Variants in DOCK4 observed in about 807,000 individuals in gnomAD.
DOCK4 encodes dedicator of cytokinesis 4.
In DOCK4, 97 loss-of-function variants were observed where a neutral mutation model predicts 268.1. The ratio of observed to expected loss-of-function variants is 0.36; its 90% CI spans 0.31 to 0.43. The LOEUF is 0.43. Ranked by LOEUF, DOCK4 falls within the 20% of genes least tolerant of loss-of-function variation. DOCK4 has a pLI of 1.00. For synonymous variants in DOCK4, 954 were observed against 887.2 expected (o/e 1.08, Z -1.34); for missense variants, 2,145 against 2,455.7 (o/e 0.87, Z 2.67).
intron 13 of DOCK4, among the ~76,000 whole-genome samples, chr7:111,905,727 T>TAC (rs1211559934): frequency 3.3e-5 from 5 of 151,288 alleles, no homozygotes; most frequent in South Asian, 4.2e-4. Flanking sequence ...GTATTGCGTA[T>TAC]ACACACACAC....
chr7:111,865,375 A>G (rs145615205), intron 22 of DOCK4, among the ~76,000 whole-genome samples: 1 of 152,326 alleles, frequency 6.6e-6, no homozygotes, highest in East Asian at 1.9e-4. Context: ...CTTCCCATCA[A>G]TCCAACCCAA....
chr7:112,101,546 G>A (rs1472844473), intron 1 of DOCK4, among the ~76,000 whole-genome samples: 2 of 152,170 alleles, frequency 1.3e-5, no homozygotes, highest in Admixed American at 6.5e-5. Context: ...AATTCCCTCA[G>A]CTGGATTTGA....
At chr7:111,741,296 G>A in intron 46 of DOCK4, 82 bp from the exon 47 acceptor site, 1 of 1,549,760 alleles carries the variant, frequency 6.5e-7, no homozygotes, top group Non-Finnish European at 8.8e-7. Flanking sequence ...TGAAACCAAA[G>A]GGGGGAAAAT....
chr7:112,016,146 T>C (rs1354750028), intron 1 of DOCK4, among the ~76,000 whole-genome samples: 2 of 152,254 alleles, frequency 1.3e-5, no homozygotes, highest in Non-Finnish European at 2.9e-5. Flanking sequence ...GTCATCTTTG[T>C]CCTGTCCAGG....
Position 111,812,233 on chromosome 7 carries a change from T to C in DOCK4, c.2931-284A>G, listed in dbSNP as rs918256929. ...CACCTTGATGTTTTGTAATGTTTTT[T>C]GTTAATTTCCAAACAAAGCAAAATG... On this transcript the variant is annotated intron_variant, in intron 27 of 52. Transcript: ENST00000428084. Among the ~76,000 whole-genome samples, 9 of 149,642 alleles carry C rather than the reference T, an allele frequency of 6.0e-5. 1 individual carries two copies. The South Asian group carries it at 1.2e-3, about 21-fold the overall frequency.
At chr7:111,970,962 T>C (rs1388638137) in intron 8 of DOCK4, among the ~76,000 whole-genome samples, 1 of 152,234 alleles carries the variant, frequency 6.6e-6, no homozygotes, top group African/African-American at 2.4e-5. Flanking sequence ...TTTCTAAATA[T>C]GGTCCAGCTT....
intron 1 of DOCK4, among the ~76,000 whole-genome samples, chr7:112,071,723 C>T (rs1034747661): frequency 6.6e-6 from 1 of 152,098 alleles, no homozygotes; most frequent in African/African-American, 2.4e-5. Context: ...AATTACCTGC[C>T]AAAATCTTCT....
At chr7:112,129,892 G>C (rs1165759502) in intron 1 of DOCK4, among the ~76,000 whole-genome samples, 1 of 152,100 alleles carries the variant, frequency 6.6e-6, no homozygotes, top group African/African-American at 2.4e-5. Flanking sequence ...GCAATCCTCT[G>C]TCACACCTTT....
At chr7:111,952,716 T>C (rs1003563385) in intron 8 of DOCK4, among the ~76,000 whole-genome samples, 15 of 152,320 alleles carry the variant, frequency 9.8e-5, no homozygotes, top group Admixed American at 4.6e-4. Context: ...AGAACGCTTG[T>C]AAAATAATTT....
chr7:111,994,343 T>A, intron 4 of DOCK4, 112 bp from the exon 5 acceptor site: 1 of 584,672 alleles, frequency 1.7e-6, no homozygotes, highest in Non-Finnish European at 2.9e-6. Context: ...TTGTTCGTTC[T>A]ACAGACAGTA....
intron 23 of DOCK4, among the ~76,000 whole-genome samples, chr7:111,848,274 A>G (rs1804272320): frequency 6.6e-6 from 1 of 152,052 alleles, no homozygotes; most frequent in Non-Finnish European, 1.5e-5. Flanking sequence ...TATTTATGCT[A>G]TCAGATATTT....
intron 5 of DOCK4, among the ~76,000 whole-genome samples, chr7:111,991,961 C>CAAAAAAAAAAA (rs60667093): frequency 1.8e-4 from 9 of 50,914 alleles, no homozygotes; most frequent in East Asian, 7.3e-4. Flanking sequence ...ACTCTGTCTC[C>CAAAAAAAAAAA]AAAAAAAAAA....
At chr7:111,770,051 T>G (rs1017057216) in intron 36 of DOCK4, among the ~76,000 whole-genome samples, 1 of 152,040 alleles carries the variant, frequency 6.6e-6, no homozygotes, top group African/African-American at 2.4e-5. Context: ...AGTTCACTAG[T>G]AAGTTCCTTG....
intron 7 of DOCK4, among the ~76,000 whole-genome samples, chr7:111,980,911 T>C (rs1406097310): frequency 6.6e-6 from 1 of 152,226 alleles, no homozygotes; most frequent in Non-Finnish European, 1.5e-5. Context: ...AAGGCTCCCT[T>C]TATTTATAGA....
chr7:111,970,330 A>G (rs1472427014), intron 8 of DOCK4, among the ~76,000 whole-genome samples: 3 of 152,068 alleles, frequency 2.0e-5, no homozygotes, highest in African/African-American at 7.2e-5. Context: ...AAAAAAAAGA[A>G]AAAAAAACTC....
At chr7:112,107,376 A>G (rs1258641867) in intron 1 of DOCK4, among the ~76,000 whole-genome samples, 1 of 152,210 alleles carries the variant, frequency 6.6e-6, no homozygotes, top group East Asian at 1.9e-4. Flanking sequence ...CCTTCTAAGA[A>G]GAGGAAAAGA....
chr7:111,998,209 G>C (rs1334452015), intron 4 of DOCK4, among the ~76,000 whole-genome samples: 2 of 152,164 alleles, frequency 1.3e-5, no homozygotes, highest in Non-Finnish European at 2.9e-5. Flanking sequence ...CTGATTCCCT[G>C]ATTTGTGGAC....
intron 26 of DOCK4, among the ~76,000 whole-genome samples, chr7:111,823,405 A>T (rs1330176733): frequency 6.6e-6 from 1 of 151,806 alleles, no homozygotes; most frequent in Non-Finnish European, 1.5e-5. Context: ...ACGGGGTTTC[A>T]CCATGTTGAC....
At chr7:112,050,035 T>C (rs1202343925) in intron 1 of DOCK4, among the ~76,000 whole-genome samples, 1 of 152,176 alleles carries the variant, frequency 6.6e-6, no homozygotes, top group East Asian at 1.9e-4. Context: ...TTTAAGAATT[T>C]AAGAGGATCT....
Sources: gnomAD v4.1 joint callset for allele counts (sites outside exome capture counted in the v4.1 genomes callset) on GRCh38, gnomAD v4.1.1 for gene constraint, MANE v1.5 for transcripts, NCBI Gene and HGNC (gene_info 2026-07-23, HGNC 2026-07-21) for gene names.